The following HOMER1 variants were observed in gnomAD, a reference collection of about 807,000 sequenced individuals.
The protein encoded by HOMER1 is homer scaffold protein 1.
In HOMER1, 3 loss-of-function variants were observed where a neutral mutation model predicts 48.9. That is an observed-to-expected ratio of 0.06 (90% CI 0.03 to 0.16). The LOEUF is 0.16. Among genes scored for constraint, HOMER1 ranks in the 10% least tolerant of loss-of-function variants. HOMER1 has a pLI of 1.00. For synonymous variants in HOMER1, 134 were observed against 146.4 expected, an observed-to-expected ratio of 0.92 and a Z score of 0.61; for missense variants, 247 against 411.4, an observed-to-expected ratio of 0.60 and a Z score of 3.46.
At chr5:79,471,604 C>T (rs1751624145) in intron 1 of HOMER1, among the ~76,000 whole-genome samples, 1 of 151,536 alleles carries the variant, frequency 6.6e-6, no homozygotes, top group African/African-American at 2.4e-5. Flanking sequence ...AGGCCTTGTG[C>T]CAGTGTTTCT....
At chr5:79,431,854 G>A (rs1750435166) in intron 5 of HOMER1, among the ~76,000 whole-genome samples, 1 of 152,172 alleles carries the variant, frequency 6.6e-6, no homozygotes, top group African/African-American at 2.4e-5. Flanking sequence ...ATCAGTGATT[G>A]TGACCTTATT....
At chr5:79,426,622 A>G (rs1278162084) in intron 5 of HOMER1, among the ~76,000 whole-genome samples, 3 of 152,150 alleles carry the variant, frequency 2.0e-5, no homozygotes, top group Non-Finnish European at 4.4e-5. Flanking sequence ...AGAGAATAGA[A>G]TGGCTACCAG....
At chr5:79,388,251 G>A (rs949370145) in intron 8 of HOMER1, among the ~76,000 whole-genome samples, 1 of 152,188 alleles carries the variant, frequency 6.6e-6, no homozygotes, top group Admixed American at 6.5e-5. Flanking sequence ...AAGGAATCTT[G>A]CGGGGTAAAG....
At position 79,513,947 on chromosome 5, in the gene HOMER1, GC is replaced by G; in HGVS notation, c.-1174del. 1 of 154,810 alleles carries G rather than the reference GC, an allele frequency of 6.5e-6. No homozygotes were observed. Among genetic ancestry groups the G allele is most frequent in the Non-Finnish European group, 1.4e-5 (1 of 69,772 alleles). The allele number at this position is 154,810 out of a possible 1,614,324, so 9.6% of individuals were successfully genotyped here. ...CCACGCGCCGCCTCACATTCCCCGG[GC>G]CCCGCCGCCGCCTCTTCACACTTCC... On this transcript the variant is annotated 5_prime_UTR_variant, in exon 1 of 9. Transcript: ENST00000334082.
At chr5:79,459,676 T>A (rs1751262897) in intron 1 of HOMER1, among the ~76,000 whole-genome samples, 1 of 152,214 alleles carries the variant, frequency 6.6e-6, no homozygotes, top group Non-Finnish European at 1.5e-5. Flanking sequence ...AGATGTAGGA[T>A]CCAGATGGTC....
chr5:79,422,100 G>A (rs1479902754), intron 5 of HOMER1, among the ~76,000 whole-genome samples: 3 of 151,870 alleles, frequency 2.0e-5, no homozygotes, highest in Admixed American at 6.6e-5. Flanking sequence ...GGTGGTGCAC[G>A]TCTTTAATCC....
chr5:79,378,959 A>C (rs1414135557), intron 8 of HOMER1, among the ~76,000 whole-genome samples: 1 of 149,702 alleles, frequency 6.7e-6, no homozygotes, highest in Non-Finnish European at 1.5e-5. Flanking sequence ...TGATGGTGCT[A>C]GTCTATTTTT....
intron 1 of HOMER1, among the ~76,000 whole-genome samples, chr5:79,507,235 A>C (rs1012821924): frequency 2.8e-5 from 4 of 141,956 alleles, no homozygotes; most frequent in Non-Finnish European, 4.6e-5. Flanking sequence ...AAAAAAAAAA[A>C]CCAAAACAAA....
chr5:79,440,779 G>A (rs1750716200), intron 4 of HOMER1, among the ~76,000 whole-genome samples: 2 of 152,126 alleles, frequency 1.3e-5, no homozygotes, highest in Admixed American at 1.3e-4. Flanking sequence ...TCCAAGACAG[G>A]CCAAGCCAAA....
chr5:79,402,520 T>C (rs1749558339), intron 5 of HOMER1, among the ~76,000 whole-genome samples: 1 of 152,198 alleles, frequency 6.6e-6, no homozygotes, highest in Non-Finnish European at 1.5e-5. Flanking sequence ...ACAAATACTT[T>C]ACCAAAATAT....
At chr5:79,490,792 A>AAAAAAAAAC (rs148573552) in intron 1 of HOMER1, among the ~76,000 whole-genome samples, 4 of 145,902 alleles carry the variant, frequency 2.7e-5, no homozygotes, top group African/African-American at 7.9e-5. Context: ...AAAAAAAAAA[A>AAAAAAAAAC]CCATAAAAAA....
At chr5:79,408,643 A>G (rs1384297773) in intron 5 of HOMER1, among the ~76,000 whole-genome samples, 7 of 152,234 alleles carry the variant, frequency 4.6e-5, no homozygotes, top group Admixed American at 2.0e-4. Flanking sequence ...ATAAGATATA[A>G]AACTATAAAA....
intron 4 of HOMER1, among the ~76,000 whole-genome samples, chr5:79,446,600 C>G (rs1296536021): frequency 6.6e-6 from 1 of 151,846 alleles, no homozygotes; most frequent in Non-Finnish European, 1.5e-5. Flanking sequence ...ATAGAAAAAC[C>G]TTTTTCCACC....
At chr5:79,411,703 T>A (rs1749818457) in intron 5 of HOMER1, among the ~76,000 whole-genome samples, 1 of 152,170 alleles carries the variant, frequency 6.6e-6, no homozygotes, top group South Asian at 2.1e-4. Context: ...CTCCCATTCC[T>A]CCAGGGCCTA....
chr5:79,417,055 C>T (rs1184164702), intron 5 of HOMER1, among the ~76,000 whole-genome samples: 1 of 152,088 alleles, frequency 6.6e-6, no homozygotes, highest in East Asian at 1.9e-4. Flanking sequence ...AACGAATTGA[C>T]CCAAGGTGAT....
Position 79,395,058 on chromosome 5 carries a change from TA to T in HOMER1, c.876+1764del, listed in dbSNP as rs1309996985. On this transcript the variant is annotated intron_variant, in intron 8 of 8. Coordinates refer to ENST00000334082, the MANE Select transcript of HOMER1 (RefSeq NM_004272.5). ...AATGCAGAAAGAACGGACTTTGGAA[TA>T]AAATAAATCTAGGCCTCATTACTTT... Among the ~76,000 whole-genome samples the T allele has an allele frequency of 2.6e-5, 4 of 152,200 alleles. No individual in the cohort carries two copies. The East Asian group carries it at 5.8e-4, about 22-fold the overall frequency.
intron 1 of HOMER1, among the ~76,000 whole-genome samples, chr5:79,499,689 A>C (rs1041711885): frequency 6.6e-6 from 1 of 152,250 alleles, no homozygotes; most frequent in Admixed American, 6.5e-5. Context: ...CAAAAAACTT[A>C]CAGACCATAC....
At chr5:79,485,536 A>T (rs979936341) in intron 1 of HOMER1, among the ~76,000 whole-genome samples, 1 of 152,232 alleles carries the variant, frequency 6.6e-6, no homozygotes, top group East Asian at 1.9e-4. Context: ...AATGTAATAC[A>T]TGATATTTAG....
At chr5:79,414,698 C>G (rs765880023) in intron 5 of HOMER1, among the ~76,000 whole-genome samples, 24 of 151,968 alleles carry the variant, frequency 1.6e-4, no homozygotes, top group Non-Finnish European at 2.1e-4. Flanking sequence ...TCTTTATACT[C>G]CTGCTGGCAC....
Sources: allele counts gnomAD v4.1 joint callset (sites outside exome capture counted in the v4.1 genomes callset), GRCh38; gene constraint gnomAD v4.1.1; transcripts MANE v1.5; gene names NCBI Gene and HGNC (gene_info 2026-07-23, HGNC 2026-07-21).